The following CMYA5 variants were observed in gnomAD, a reference collection of about 807,000 sequenced individuals.
The protein encoded by CMYA5 is cardiomyopathy-associated protein 5.
In CMYA5, 246 loss-of-function variants were observed where a neutral mutation model predicts 318.9. That is an observed-to-expected ratio of 0.77 (90% CI 0.70 to 0.86). The LOEUF is 0.86. Among genes scored for constraint, CMYA5 ranks in the 40% least tolerant of loss-of-function variants. The pLI, the probability that CMYA5 is intolerant of heterozygous loss-of-function variation, is 0.00. For missense variants in CMYA5, 4,589 were observed against 4,678.2 expected, an observed-to-expected ratio of 0.98 and a Z score of 0.56; for synonymous variants, 1,641 against 1,729.5, an observed-to-expected ratio of 0.95 and a Z score of 1.27.
chr5:79,740,855 C>A (rs1828195080), intron 2 of CMYA5, among the ~76,000 whole-genome samples: 1 of 151,840 alleles, frequency 6.6e-6, no homozygotes. Context: ...CTGTGCCATG[C>A]ACTATTTTTT....
At chr5:79,724,856 G>A (rs529515275) in intron 1 of CMYA5, among the ~76,000 whole-genome samples, 1 of 152,068 alleles carries the variant, frequency 6.6e-6, no homozygotes, top group Non-Finnish European at 1.5e-5. Context: ...GGATCTCTCA[G>A]TGAGCCAGAC....
Position 79,738,528 on chromosome 5 carries a change from C to G in CMYA5, c.9763C>G (p.Gln3255Glu). The part of the protein sequence containing the change: ...DDILHDTSLT[Q>E]KDQGQGLEEK... ...CATTCTCCATGACACATCTCTAACT[C>G]AAAAGGACCAGGGCCAAGGTCTGGA... Residue 3255 changes from glutamine to glutamate, a missense_variant, in exon 2 of 13, where the codon CAA (glutamine) becomes GAA (glutamate). Coordinates refer to ENST00000446378, the MANE Select transcript of CMYA5 (RefSeq NM_153610.5). The G allele has an allele frequency of 6.2e-7, 1 of 1,613,292 alleles. No homozygotes were observed. The highest frequency in any genetic ancestry group is 8.5e-7 in the Non-Finnish European group (1 of 1,179,842).
In CMYA5 at chr5:79,791,015, A is replaced by C; in HGVS notation, c.11735A>C (p.His3912Pro). 6.2e-7 allele frequency: 1 copy of C among 1,613,924 alleles called. No individual in the cohort carries two copies. Among genetic ancestry groups the C allele is most frequent in the Non-Finnish European group, 8.5e-7 (1 of 1,179,856 alleles). Residue 3912 changes from histidine to proline, a missense_variant, in exon 11 of 13, where the codon CAC (histidine) becomes CCC (proline). This residue lies in a region of CMYA5 where 2,431 missense variants were observed against 2,495.1 expected (regional missense o/e 0.97). Transcript: ENST00000446378. ...LLRETAHPALHISSSGTVISF... is the reference protein window; with the variant it reads ...LLRETAHPALPISSSGTVISF... The stretch of plus-strand genomic sequence containing the variant: ...AGAGAAACAGCTCATCCTGCTCTAC[A>C]CATTTCCTCAAGTGGGACAGTGATC...
intron 1 of CMYA5, among the ~76,000 whole-genome samples, chr5:79,713,625 A>C (rs532395627): frequency 1.3e-5 from 2 of 152,256 alleles, no homozygotes; most frequent in South Asian, 4.2e-4. Context: ...AGACCTGAAT[A>C]GATAGATACT....
At chr5:79,702,205 G>A (rs745347001) in intron 1 of CMYA5, among the ~76,000 whole-genome samples, 2 of 152,110 alleles carry the variant, frequency 1.3e-5, no homozygotes, top group Non-Finnish European at 2.9e-5. Flanking sequence ...ATTTCCACCC[G>A]GAGCAACATG....
chr5:79,750,031 T>A (rs1345812313), intron 5 of CMYA5, among the ~76,000 whole-genome samples: 1 of 151,812 alleles, frequency 6.6e-6, no homozygotes, highest in East Asian at 1.9e-4. Context: ...TTTTACCATA[T>A]TCGGTGTGAT....
At chr5:79,775,560 AAG>A (rs1410680827) in intron 9 of CMYA5, among the ~76,000 whole-genome samples, 1 of 152,226 alleles carries the variant, frequency 6.6e-6, no homozygotes, top group Non-Finnish European at 1.5e-5. Context: ...AGAGGAAAAA[AAG>A]AGATTACATA....
intron 9 of CMYA5, among the ~76,000 whole-genome samples, chr5:79,787,293 A>T (rs910097457): frequency 6.6e-6 from 1 of 152,138 alleles, no homozygotes; most frequent in Admixed American, 6.5e-5. Flanking sequence ...TGATCAATAC[A>T]TATTTATTTA....
chr5:79,752,616 T>C, intron 5 of CMYA5, 60 bp from the exon 6 acceptor site: 1 of 1,254,600 alleles, frequency 8.0e-7, no homozygotes, highest in East Asian at 2.4e-5. Context: ...ACAATTTTTT[T>C]CACTTTCATT....
In CMYA5 at chr5:79,734,737, CAA is replaced by C. The variant is rs752970073; in HGVS notation, c.5974_5975del (p.Lys1992ValfsTer25). 1.2e-6 allele frequency: 2 copies of C among 1,613,758 alleles called. No homozygotes were observed. The highest frequency in any genetic ancestry group is 1.7e-6 in the Non-Finnish European group (2 of 1,179,786). ...GAAGAAGTAAAGCTGGCTGAAGAACCAAAGTCTTTAGTCCTAGCTGGAAATGT... is the reference window on the plus strand; with the variant it reads ...GAAGAAGTAAAGCTGGCTGAAGAACCAGTCTTTAGTCCTAGCTGGAAATGT... On this transcript the variant is annotated frameshift_variant, in exon 2 of 13. Transcript: ENST00000446378. LOFTEE classifies it high-confidence loss of function.
rs568965217 is a variant in CMYA5 at position 79,728,007 on chromosome 5, A to G, written c.150-908A>G. Among the ~76,000 whole-genome samples the G allele has an allele frequency of 5.3e-5, 8 of 152,330 alleles. No homozygotes were observed. In the East Asian group the frequency reaches 1.3e-3, roughly 26 times the overall value. On this transcript the variant is annotated intron_variant, in intron 1 of 12. Transcript: ENST00000446378. Reference sequence around the variant, plus strand: ...CATTTATTGAGTGAGCACTAACTACATGCCAGGAATATTCCCTAAGCATTT... The same window carrying G: ...CATTTATTGAGTGAGCACTAACTACGTGCCAGGAATATTCCCTAAGCATTT...
At chr5:79,755,282 T>A (rs1828504864) in intron 6 of CMYA5, among the ~76,000 whole-genome samples, 1 of 151,986 alleles carries the variant, frequency 6.6e-6, no homozygotes, top group Non-Finnish European at 1.5e-5. Context: ...TATTTTTTGG[T>A]ATCATACCTT....
rs771356402 is a variant in CMYA5, at chr5:79,731,508, G to A, written c.2743G>A (p.Glu915Lys). The A allele has an allele frequency of 1.2e-6, 2 of 1,603,816 alleles. No individual in the cohort carries two copies. The highest frequency in any genetic ancestry group is 2.2e-5 in the South Asian group (2 of 88,900). The change falls in exon 2 of 13, where the codon GAG becomes AAG. Residue 915 changes from glutamate (E) to lysine (K), a missense_variant. Physicochemically the swap from Glu to Lys is moderately conservative, Grantham distance 56. This residue lies in a region of CMYA5 where 2,132 missense variants were observed against 2,131.3 expected (regional missense o/e 1.00). Transcript: ENST00000446378. ...VPPYATPEAQEEEIVHRSLNL... is the reference protein window; with the variant it reads ...VPPYATPEAQKEEIVHRSLNL... ...ACCATATGCAACACCGGAGGCACAG[G>A]AGGAAGAAATTGTCCATAGATCTCT...
chr5:79,755,708 C>T (rs1179441546), intron 6 of CMYA5, among the ~76,000 whole-genome samples: 2 of 152,172 alleles, frequency 1.3e-5, no homozygotes, highest in East Asian at 1.9e-4. Context: ...TAGATTATAT[C>T]TATGGAATAT....
chr5:79,770,766 A>G (rs1354332614), intron 9 of CMYA5, among the ~76,000 whole-genome samples: 1 of 152,186 alleles, frequency 6.6e-6, no homozygotes, highest in African/African-American at 2.4e-5. Flanking sequence ...TGTGTTATTT[A>G]AGCTCTTGTT....
chr5:79,787,797 A>T (rs373147654), intron 9 of CMYA5, among the ~76,000 whole-genome samples: 15 of 152,288 alleles, frequency 9.8e-5, no homozygotes, highest in African/African-American at 3.6e-4. Flanking sequence ...TTCTGTACAA[A>T]TGTTTTGCTT....
Position 79,733,561 on chromosome 5 carries a change from C to T in CMYA5, c.4796C>T (p.Ser1599Phe). 3 of 1,613,900 alleles carry T rather than the reference C, an allele frequency of 1.9e-6. No homozygotes were observed. Among genetic ancestry groups the T allele is most frequent in the Non-Finnish European group, 2.5e-6 (3 of 1,179,828 alleles). Residue 1599 changes from serine (S) to phenylalanine (F), a missense_variant, in exon 2 of 13, where the codon TCT becomes TTT. Physicochemically the swap from Ser to Phe is radical, Grantham distance 155. This residue lies in a region of CMYA5 where 2,132 missense variants were observed against 2,131.3 expected (regional missense o/e 1.00). Transcript: ENST00000446378. ...DDKNKPAVEV[S>F]STAQGDFPSE... is the part of the protein sequence containing the mutation. Reference sequence around the variant, plus strand: ...AAGAACAAACCGGCAGTGGAGGTATCTTCTACAGCTCAGGGAGACTTCCCA... The same window carrying T: ...AAGAACAAACCGGCAGTGGAGGTATTTTCTACAGCTCAGGGAGACTTCCCA...
chr5:79,746,287 A>C (rs576890590), intron 4 of CMYA5, among the ~76,000 whole-genome samples: 1 of 152,288 alleles, frequency 6.6e-6, no homozygotes, highest in African/African-American at 2.4e-5. Flanking sequence ...GCAAGGCAAA[A>C]CGGAACAATG....
intron 6 of CMYA5, among the ~76,000 whole-genome samples, chr5:79,756,793 A>G (rs1157304079): frequency 6.6e-6 from 1 of 152,066 alleles, no homozygotes; most frequent in East Asian, 1.9e-4. Flanking sequence ...TCCACTTTTA[A>G]TAAAGTAATC....
Sources: allele counts gnomAD v4.1 joint callset (sites outside exome capture counted in the v4.1 genomes callset), GRCh38; gene constraint gnomAD v4.1.1; regional missense constraint gnomAD v4.1.1; transcripts MANE v1.5; gene names NCBI Gene and HGNC (gene_info 2026-07-23, HGNC 2026-07-21).